The following BRD4 variants were observed in gnomAD, a reference collection of about 807,000 sequenced individuals.
BRD4 encodes the protein bromodomain-containing protein 4.
A neutral mutation model predicts 142.1 loss-of-function variants in BRD4; 16 were observed. The observed-to-expected ratio is 0.11, with a 90% CI of 0.08 to 0.17. The LOEUF (loss-of-function observed/expected upper bound fraction) is 0.17. Among genes scored for constraint, BRD4 ranks in the 10% least tolerant of loss-of-function variants. The probability of loss-of-function intolerance (pLI) is 1.00; values close to 1 mark genes in which losing one functional copy is unlikely to be tolerated. For synonymous variants in BRD4, 833 were observed against 707.5 expected (o/e 1.18, Z -2.82); for missense variants, 1,424 against 1,810.9 (o/e 0.79, Z 3.88).
intron 1 of BRD4, among the ~76,000 whole-genome samples, chr19:15,330,210 C>A (rs926646972): frequency 1.3e-5 from 2 of 152,212 alleles, no homozygotes; most frequent in Non-Finnish European, 2.9e-5. Flanking sequence ...CATTCTGAGA[C>A]CGGCTAACTC....
At position 15,238,894 on chromosome 19, in the gene BRD4, C is replaced by CGCTGCT. The variant is rs748141481; in HGVS notation, c.3863_3868dup (p.Gln1288_Gln1289dup). 4.4e-6 allele frequency: 7 copies of CGCTGCT among 1,595,070 alleles called. No homozygotes were observed. Among genetic ancestry groups the CGCTGCT allele is most frequent in the Non-Finnish European group, 5.1e-6 (6 of 1,172,012 alleles). On this transcript the variant is annotated inframe_insertion, in exon 19 of 20. Transcript: ENST00000679869. This position sits in a 1 kb window ranked among gnomAD's most constrained non-coding sequence, Gnocchi z 7.2. ...TTGCTGCTGCTGCTGTTGCTCCTGG[C>CGCTGCT]GCTGCTGCTGCTGCTGCTCCTGGCG...
At chr19:15,242,743 G>A (rs764200022) in intron 14 of BRD4, among the ~76,000 whole-genome samples, 157 bp downstream of exon 14, 2 of 152,088 alleles carry the variant, frequency 1.3e-5, no homozygotes, top group Non-Finnish European at 2.9e-5. Flanking sequence ...ACACACTGTA[G>A]GAAGCACCAA....
chr19:15,238,150 C>A lies in BRD4; in HGVS notation c.*227G>T. On this transcript the variant is annotated 3_prime_UTR_variant, in exon 20 of 20. Transcript: ENST00000679869. The surrounding 1 kb of genome is among the most constrained non-coding windows in gnomAD (Gnocchi z 7.2). ...CGTAACAAGGCGTGTGCTGAGCGGA[C>A]GTCCTGTGAGGGGTGGTGGGTGGCG... The A allele has an allele frequency of 1.6e-6, 1 of 618,198 alleles. No individual in the cohort carries two copies. The highest frequency in any genetic ancestry group is 2.8e-6 in the Non-Finnish European group (1 of 362,324). The allele number at this position is 618,198 out of a possible 1,614,324, so 38.3% of individuals were successfully genotyped here. A position where few individuals can be genotyped will look rare whatever the true frequency, so the allele number is the denominator to read the frequency against.
At chr19:15,272,689 G>GC (rs1309313568) in intron 2 of BRD4, 126 bp downstream of exon 2, 2 of 839,772 alleles carry the variant, frequency 2.4e-6, no homozygotes, top group Middle Eastern at 3.7e-4. Flanking sequence ...TCACTCAAGG[G>GC]CCCTGCAGCT....
intron 1 of BRD4, among the ~76,000 whole-genome samples, chr19:15,324,434 T>C (rs2048090773): frequency 6.6e-6 from 1 of 152,256 alleles, no homozygotes; most frequent in Admixed American, 6.5e-5. Context: ...TAACTGGTTC[T>C]TCTGGTCAAA....
chr19:15,265,215 G>A, intron 5 of BRD4, 139 bp downstream of exon 5: 2 of 878,820 alleles, frequency 2.3e-6, no homozygotes, highest in Non-Finnish European at 3.3e-6. Flanking sequence ...TTTCTGGGCT[G>A]CAATTTCAAC....
At chr19:15,303,203 A>C (rs2047886172) in intron 1 of BRD4, among the ~76,000 whole-genome samples, 1 of 152,138 alleles carries the variant, frequency 6.6e-6, no homozygotes. Context: ...TTTCCAGCTC[A>C]AAGTAGGGGA....
At chr19:15,308,115 CAAAAAA>C (rs57642262) in intron 1 of BRD4, among the ~76,000 whole-genome samples, 2 of 21,184 alleles carry the variant, frequency 9.4e-5, no homozygotes, top group African/African-American at 2.8e-4. Flanking sequence ...GACTCCGTCT[CAAAAAA>C]AAAAAAAAAA....
In BRD4 at chr19:15,257,142, G is replaced by C; in HGVS notation, c.1373C>G (p.Pro458Arg). The C allele has an allele frequency of 6.2e-7, 1 of 1,608,204 alleles. No homozygotes were observed. The highest frequency in any genetic ancestry group is 8.5e-7 in the Non-Finnish European group (1 of 1,179,332). The part of the protein sequence containing the change: ...DVFEMRFAKM[P>R]DEPEEPVVAV... ...CACCACTGGCTCCTCAGGCTCGTCC[G>C]GCATCTTGGCAAAGCGCATTTCGAA... is the stretch of plus-strand genomic sequence containing the variant. The change falls in exon 8 of 20, where the codon CCG becomes CGG. Residue 458 changes from proline to arginine, a missense_variant. By Grantham distance (103) the Pro-to-Arg change is moderately radical. Coordinates refer to ENST00000679869, the MANE Select transcript of BRD4 (RefSeq NM_001379291.1).
chr19:15,247,350 G>T (rs1336634810), intron 11 of BRD4: 4 of 231,840 alleles, frequency 1.7e-5, no homozygotes, highest in Admixed American at 5.6e-5. Flanking sequence ...CTGCCAACAA[G>T]AAGTGAGTGG....
intron 1 of BRD4, among the ~76,000 whole-genome samples, chr19:15,314,529 C>T (rs1035774705): frequency 5.3e-5 from 8 of 152,198 alleles, no homozygotes; most frequent in African/African-American, 1.9e-4. Context: ...GCCCTCACAT[C>T]CATCCTCCTG....
chr19:15,239,983 G>A lies in BRD4; in HGVS notation c.3209C>T (p.Ser1070Phe), dbSNP rs2047225967. Reference protein sequence around the residue: ...REAPSPLMIHSPQMSQFQSLT... With the variant: ...REAPSPLMIHFPQMSQFQSLT... The stretch of plus-strand genomic sequence containing the variant: ...GCTCTGGAACTGTGACATCTGGGGG[G>A]AATGTATCATAAGCGGGGAGGGGGC... Residue 1070 changes from serine to phenylalanine, a missense_variant, in exon 15 of 20, where the codon TCC becomes TTC. This residue lies in a region of BRD4 where 598 missense variants were observed against 647.8 expected (regional missense o/e 0.92). Transcript: ENST00000679869. This position sits in a 1 kb window ranked among gnomAD's most constrained non-coding sequence, Gnocchi z 7.4. The A allele has an allele frequency of 6.2e-7, 1 of 1,613,760 alleles. No homozygotes were observed.
intron 1 of BRD4, among the ~76,000 whole-genome samples, chr19:15,302,790 G>A (rs961865910): frequency 2.0e-5 from 3 of 151,714 alleles, no homozygotes; most frequent in South Asian, 2.1e-4. Context: ...CGCATCACGA[G>A]GTTAGGAGAT....
At position 15,244,497 on chromosome 19, in the gene BRD4, T is replaced by C. The variant is rs1298451226; in HGVS notation, c.2315A>G (p.Gln772Arg). ...QQPPPPPPPQ[Q>R]QQQPPPPPPP... ...AGGCGGGGGTGGCGGCTGCTGTTGC[T>C]GCTGCGGAGGTGGAGGCGGTGGGGG... Residue 772 changes from glutamine (Q) to arginine (R), a missense_variant, in exon 13 of 20, where the codon CAG (glutamine) becomes CGG (arginine). This residue lies in a region of BRD4 where 598 missense variants were observed against 647.8 expected (regional missense o/e 0.92). Transcript: ENST00000679869. 2.6e-6 allele frequency: 3 copies of C among 1,172,030 alleles called. No homozygotes were observed. In the Admixed American group the frequency reaches 8.5e-5, roughly 33 times the overall value. 72.6% of individuals were successfully genotyped at this position (1,172,030 alleles called of 1,614,324 possible).
At chr19:15,309,684 A>G (rs1201452410) in intron 1 of BRD4, among the ~76,000 whole-genome samples, 1 of 152,218 alleles carries the variant, frequency 6.6e-6, no homozygotes, top group South Asian at 2.1e-4. Flanking sequence ...ATGAACGGAT[A>G]GTGTCATTTC....
At chr19:15,311,193 G>A (rs1414029941) in intron 1 of BRD4, among the ~76,000 whole-genome samples, 3 of 152,118 alleles carry the variant, frequency 2.0e-5, no homozygotes, top group Non-Finnish European at 4.4e-5. Flanking sequence ...TTGAGAGGCT[G>A]AGGCACGAGA....
At chr19:15,267,123 G>A (rs999789332) in intron 4 of BRD4, among the ~76,000 whole-genome samples, 5 of 152,226 alleles carry the variant, frequency 3.3e-5, no homozygotes, top group African/African-American at 1.2e-4. Context: ...GCAGGGTGAA[G>A]TGTTCAACAA....
At chr19:15,288,681 G>GAC (rs2047758382) in intron 1 of BRD4, among the ~76,000 whole-genome samples, 1 of 152,236 alleles carries the variant, frequency 6.6e-6, no homozygotes, top group African/African-American at 2.4e-5. Flanking sequence ...CTGCCCAGCA[G>GAC]ACACACAGGG....
intron 1 of BRD4, among the ~76,000 whole-genome samples, chr19:15,291,549 T>C (rs1024798656): frequency 2.0e-5 from 3 of 152,192 alleles, no homozygotes; most frequent in Non-Finnish European, 2.9e-5. Context: ...TCTCTTCTCA[T>C]TGCCTCCGTA....
Sources: gnomAD v4.1 joint callset for allele counts (sites outside exome capture counted in the v4.1 genomes callset) on GRCh38, gnomAD v4.1.1 for gene constraint, gnomAD v4.1.1 regional missense constraint, Gnocchi (gnomAD v3.1) non-coding constraint, MANE v1.5 for transcripts, NCBI Gene and HGNC (gene_info 2026-07-23, HGNC 2026-07-21) for gene names.